The following IGF2R variants were observed in gnomAD, a reference collection of about 807,000 sequenced individuals.
IGF2R encodes cation-independent mannose-6-phosphate receptor.
A neutral mutation model predicts 270.6 loss-of-function variants in IGF2R; 91 were observed. The observed-to-expected ratio is 0.34, with a 90% CI of 0.28 to 0.40. IGF2R has a LOEUF of 0.40. IGF2R is among the 10% of genes least tolerant of loss of function. IGF2R has a pLI of 1.00. For missense variants in IGF2R, 2,805 were observed against 3,188.3 expected (o/e 0.88, Z 2.90); for synonymous variants, 1,316 against 1,258.9 (o/e 1.05, Z -0.96).
At position 160,050,269 on chromosome 6, in the gene IGF2R, T is replaced by C. The variant is rs535842888; in HGVS notation, c.2515-204T>C. On this transcript the variant is annotated intron_variant, in intron 18 of 47. Coordinates refer to ENST00000356956, the MANE Select transcript of IGF2R (RefSeq NM_000876.4). The surrounding 1 kb of genome is among the most constrained non-coding windows in gnomAD (Gnocchi z 4.0). ...GCAGCCTGATTGGTGCTCAATTGCA[T>C]GCCTGGAACGCAGCATGCAGTTGTT... Among the ~76,000 whole-genome samples the C allele has an allele frequency of 2.0e-5, 3 of 152,364 alleles. No individual in the cohort carries two copies. The South Asian group carries it at 6.2e-4, about 32-fold the overall frequency.
chr6:160,044,393 T>C, intron 12 of IGF2R, 121 bp from the exon 13 acceptor site: 1 of 935,760 alleles, frequency 1.1e-6, no homozygotes, highest in Non-Finnish European at 1.6e-6. Context: ...CTGCACGTGC[T>C]GGGTTTGGGC....
chr6:160,026,617 G>A (rs999093260), intron 5 of IGF2R, among the ~76,000 whole-genome samples: 3 of 152,252 alleles, frequency 2.0e-5, no homozygotes, highest in African/African-American at 7.2e-5. Flanking sequence ...CAACCTAGCT[G>A]TAATCATAGC....
At chr6:160,060,907 T>G (rs2115261888) in intron 23 of IGF2R, among the ~76,000 whole-genome samples, 190 bp downstream of exon 23, 1 of 152,358 alleles carries the variant, frequency 6.6e-6, no homozygotes, top group South Asian at 2.1e-4. Flanking sequence ...ATGTTTTTCT[T>G]GAAGAGAATC....
intron 44 of IGF2R, 133 bp downstream of exon 44, chr6:160,090,236 T>A: frequency 3.5e-6 from 2 of 568,272 alleles, no homozygotes; most frequent in Non-Finnish European, 5.8e-6. Context: ...ATTCTTTACT[T>A]TGTTATGAAT....
In IGF2R at chr6:160,047,798, G is replaced by C. The variant is rs576235325; in HGVS notation, c.2236G>C (p.Asp746His). Residue 746 changes from aspartate to histidine, a missense_variant, in exon 17 of 48, where the codon GAT (aspartate) becomes CAT (histidine). Physicochemically the swap from Asp to His is moderately conservative, Grantham distance 81 (BLOSUM62 -1). This residue lies in a region of IGF2R where 954 missense variants were observed against 981.1 expected (regional missense o/e 0.97). Coordinates refer to ENST00000356956, the MANE Select transcript of IGF2R (RefSeq NM_000876.4). ...GVGFPEYQEE[D>H]NSTYNFRWYT... Reference sequence around the variant, plus strand: ...CGCATCTGCCGTGGATTAGGAAGAGGATAACTCCACCTACAACTTCCGGTG... The same window carrying C: ...CGCATCTGCCGTGGATTAGGAAGAGCATAACTCCACCTACAACTTCCGGTG... 6.2e-7 allele frequency: 1 copy of C among 1,606,790 alleles called. No homozygotes were observed. Among genetic ancestry groups the C allele is most frequent in the South Asian group, 1.1e-5 (1 of 90,950 alleles).
Position 160,107,776 on chromosome 6 carries a change from C to A in IGF2R, c.*2692C>A, listed in dbSNP as rs986088933. 22 of 152,184 alleles carry A rather than the reference C, an allele frequency of 1.4e-4. No individual in the cohort carries two copies. Among genetic ancestry groups the A allele is most frequent in the Non-Finnish European group, 2.9e-5 (2 of 68,030 alleles). 9.4% of individuals were successfully genotyped at this position (152,184 alleles called of 1,614,324 possible). On this transcript the variant is annotated 3_prime_UTR_variant, in exon 48 of 48. Transcript: ENST00000356956. ...GTACTTCACCAACCCTAAAATAATA[C>A]GTAACACGAGATGATTCCTCAGGAA...
chr6:160,059,827 G>A (rs577696788), intron 22 of IGF2R, among the ~76,000 whole-genome samples: 5 of 152,192 alleles, frequency 3.3e-5, no homozygotes, highest in Non-Finnish European at 7.3e-5. Flanking sequence ...CTTGCTCCTC[G>A]CTCTGCAACC....
In IGF2R at chr6:160,040,513, A is replaced by G. The variant is rs371089022; in HGVS notation, c.1316-47A>G. On this transcript the variant is annotated intron_variant, in intron 10 of 47. Transcript: ENST00000356956. ...TTCCTTGCTCCTTAGCTGTTCCTCA[A>G]TTTTGGTCACGTATGGAGTTTAAAT... The G allele has an allele frequency of 4.6e-5, 71 of 1,556,480 alleles. No homozygotes were observed. In the African/African-American group the frequency reaches 7.9e-4, roughly 17 times the overall value.
Position 160,004,875 on chromosome 6 carries a change from C to T in IGF2R, c.290-4135C>T, listed in dbSNP as rs887293623. On this transcript the variant is annotated intron_variant, in intron 2 of 47. Coordinates refer to ENST00000356956, the MANE Select transcript of IGF2R (RefSeq NM_000876.4). The surrounding 1 kb of genome is among the most constrained non-coding windows in gnomAD (Gnocchi z 5.2). ...CTGGAGAGAGTGGACTGCACTGCGACGAGACAGGAGGAAAGGTCAAACCTG... is the reference window on the plus strand; with the variant it reads ...CTGGAGAGAGTGGACTGCACTGCGATGAGACAGGAGGAAAGGTCAAACCTG... 6 of 152,134 alleles carry T rather than the reference C, an allele frequency of 3.9e-5. No individual in the cohort carries two copies. Among genetic ancestry groups the T allele is most frequent in the East Asian group, 1.9e-4 (1 of 5,176 alleles). 9.4% of individuals were successfully genotyped at this position (152,134 alleles called of 1,614,324 possible).
chr6:160,074,096 T>G, intron 35 of IGF2R, 121 bp downstream of exon 35: 2 of 693,412 alleles, frequency 2.9e-6, no homozygotes, highest in Non-Finnish European at 5.0e-6. Context: ...AGAAAGTAAG[T>G]GGGACTGTGT....
intron 2 of IGF2R, 70 bp downstream of exon 2, chr6:159,991,393 T>C (rs1480700453): frequency 4.4e-6 from 6 of 1,351,690 alleles, no homozygotes; most frequent in Non-Finnish European, 6.2e-6. Context: ...TGACTGTGTA[T>C]AGCTATACGT....
chr6:160,095,542 C>T (rs919601614), intron 44 of IGF2R: 7 of 152,204 alleles, frequency 4.6e-5, no homozygotes, highest in African/African-American at 1.4e-4. Flanking sequence ...AAGTCCAAAG[C>T]GTTGACTGTT....
In IGF2R at chr6:160,043,252, C is replaced by T; in HGVS notation, c.1585C>T (p.Arg529Ter). The T allele has an allele frequency of 1.9e-6, 3 of 1,614,152 alleles. No homozygotes were observed. Among genetic ancestry groups the T allele is most frequent in the South Asian group, 1.1e-5 (1 of 91,074 alleles). ...CHRVLQEGKA[R>*]GCPEDAAVCA... ...CAGAGTGCTGCAGGAAGGCAAGGCA[C>T]GAGGGTGTCCCGAGGACGCGGCAGT... The change falls in exon 12 of 48, where the codon CGA becomes TGA. Residue 529 changes from arginine (R) to a stop codon, truncating the protein, a stop_gained. Coordinates refer to ENST00000356956, the MANE Select transcript of IGF2R (RefSeq NM_000876.4). LOFTEE classifies it high-confidence loss of function.
chr6:160,064,794 AC>A lies in IGF2R; in HGVS notation c.4018-9del. 6.3e-7 allele frequency: 1 copy of A among 1,594,346 alleles called. No homozygotes were observed. The highest frequency in any genetic ancestry group is 8.6e-7 in the Non-Finnish European group (1 of 1,162,176). ...CTCACTTTTATATATGTGCCTCTTA[AC>A]TTTTTTAGCCAGTATTTCTAAAGGA... On this transcript the variant is annotated splice_polypyrimidine_tract_variant and intron_variant, in intron 28 of 47. Transcript: ENST00000356956.
chr6:160,095,946 C>T (rs1321880017), intron 44 of IGF2R: 2 of 152,322 alleles, frequency 1.3e-5, no homozygotes, highest in African/African-American at 4.8e-5. Context: ...CTGGATGGCT[C>T]AAATATAAAT....
chr6:160,089,368 T>G (rs576719190), intron 43 of IGF2R, 115 bp downstream of exon 43: 1 of 922,154 alleles, frequency 1.1e-6, no homozygotes. Context: ...TTTTAGTTAC[T>G]GTTGCTGGAG....
At chr6:160,017,663 A>C (rs1194313425) in intron 4 of IGF2R, among the ~76,000 whole-genome samples, 1 of 152,222 alleles carries the variant, frequency 6.6e-6, no homozygotes, top group Non-Finnish European at 1.5e-5. Context: ...GGGACTTCTC[A>C]GGAGAAACTT....
At chr6:160,098,464 C>T (rs1056077440) in intron 45 of IGF2R, among the ~76,000 whole-genome samples, 4 of 152,062 alleles carry the variant, frequency 2.6e-5, no homozygotes, top group East Asian at 3.9e-4. Context: ...CCGGGGGTGA[C>T]GTGGAATAGT....
intron 10 of IGF2R, among the ~76,000 whole-genome samples, chr6:160,037,982 G>C (rs2115238968): frequency 6.6e-6 from 1 of 152,274 alleles, no homozygotes; most frequent in Non-Finnish European, 1.5e-5. Flanking sequence ...GGGGAGGCTG[G>C]GAAACGGAGT....
Sources: gnomAD v4.1 joint callset for allele counts (sites outside exome capture counted in the v4.1 genomes callset) on GRCh38, gnomAD v4.1.1 for gene constraint, gnomAD v4.1.1 regional missense constraint, Gnocchi (gnomAD v3.1) non-coding constraint, MANE v1.5 for transcripts, NCBI Gene and HGNC (gene_info 2026-07-23, HGNC 2026-07-21) for gene names.